Variants in EVI5 observed in about 807,000 individuals in gnomAD.
EVI5 encodes the protein ecotropic viral integration site 5.
EVI5 carries 73 observed loss-of-function variants against 112.0 expected under a neutral mutation model. That is an observed-to-expected ratio of 0.65 (90% confidence interval 0.54 to 0.79). The LOEUF (loss-of-function observed/expected upper bound fraction) is 0.79. EVI5 is among the 30% of genes least tolerant of loss of function. The pLI is 0.00. For missense variants in EVI5, 900 were observed against 968.8 expected (o/e 0.93, Z 0.94); for synonymous variants, 305 against 319.9 (o/e 0.95, Z 0.50).
chr1:92,658,133 T>C (rs1045001218), intron 13 of EVI5, among the ~76,000 whole-genome samples: 5 of 152,150 alleles, frequency 3.3e-5, no homozygotes, highest in African/African-American at 9.7e-5. Flanking sequence ...GCCAACATCA[T>C]AATGAATGGG....
At chr1:92,534,826 G>T (rs889368819) in intron 19 of EVI5, among the ~76,000 whole-genome samples, 2 of 152,152 alleles carry the variant, frequency 1.3e-5, no homozygotes, top group African/African-American at 4.8e-5. Context: ...AACCCTAGAA[G>T]AAAACCTAGG....
At chr1:92,547,346 G>C (rs1165766513) in intron 19 of EVI5, among the ~76,000 whole-genome samples, 1 of 152,214 alleles carries the variant, frequency 6.6e-6, no homozygotes, top group African/African-American at 2.4e-5. Context: ...CACATTTAAA[G>C]CAGTGTGTAG....
At chr1:92,595,894 G>T (rs1040737370) in intron 18 of EVI5, among the ~76,000 whole-genome samples, 2 of 152,158 alleles carry the variant, frequency 1.3e-5, no homozygotes, top group Non-Finnish European at 2.9e-5. Context: ...CTGTCAATAT[G>T]CTATTAAGAA....
At chr1:92,660,771 A>G (rs1366976915) in intron 13 of EVI5, among the ~76,000 whole-genome samples, 1 of 152,000 alleles carries the variant, frequency 6.6e-6, no homozygotes, top group African/African-American at 2.4e-5. Context: ...AAGAGGTAAA[A>G]CTATAGTGAA....
chr1:92,576,760 A>T (rs1671151142), intron 18 of EVI5, among the ~76,000 whole-genome samples: 1 of 152,198 alleles, frequency 6.6e-6, no homozygotes, highest in South Asian at 2.1e-4. Context: ...CAAATACAAG[A>T]GTGATATGTA....
At chr1:92,654,496 T>C (rs570197861) in intron 13 of EVI5, among the ~76,000 whole-genome samples, 5 of 152,242 alleles carry the variant, frequency 3.3e-5, no homozygotes, top group African/African-American at 7.2e-5. Flanking sequence ...AGAACATACA[T>C]TGTAGTTATA....
intron 9 of EVI5, among the ~76,000 whole-genome samples, chr1:92,687,495 C>T (rs1042760109): frequency 1.3e-5 from 2 of 152,102 alleles, no homozygotes; most frequent in African/African-American, 2.4e-5. Flanking sequence ...GACTTCATGA[C>T]TAAAACACCA....
At chr1:92,607,819 A>T (rs925546553) in intron 16 of EVI5, 92 bp from the exon 17 acceptor site, 12 of 783,620 alleles carry the variant, frequency 1.5e-5, no homozygotes, top group Non-Finnish European at 2.2e-5. Flanking sequence ...TAACATTATT[A>T]AAAATGTTAC....
At chr1:92,727,097 G>T (rs1279993971) in intron 2 of EVI5, among the ~76,000 whole-genome samples, 2 of 152,130 alleles carry the variant, frequency 1.3e-5, no homozygotes, top group African/African-American at 4.8e-5. Context: ...TTGTATGAAA[G>T]AAGTCGGTTA....
intron 1 of EVI5, chr1:92,749,080 A>AG (rs1385543984): frequency 2.2e-4 from 37 of 171,678 alleles, no homozygotes; most frequent in African/African-American, 8.2e-4. Flanking sequence ...AAAAAAAAAA[A>AG]AAAAAGAAAA....
At chr1:92,656,707 T>C (rs1663049583) in intron 13 of EVI5, among the ~76,000 whole-genome samples, 1 of 151,746 alleles carries the variant, frequency 6.6e-6, no homozygotes, top group South Asian at 2.1e-4. Context: ...AAGGAGACAT[T>C]ACAACTGATA....
intron 5 of EVI5, among the ~76,000 whole-genome samples, chr1:92,699,259 C>T (rs1350887045): frequency 1.1e-4 from 17 of 152,124 alleles, no homozygotes; most frequent in Admixed American, 9.8e-4. Flanking sequence ...TCAGTCACTA[C>T]GAGAAGCCCC....
At chr1:92,728,448 C>T (rs544338976) in intron 2 of EVI5, among the ~76,000 whole-genome samples, 1 of 151,218 alleles carries the variant, frequency 6.6e-6, no homozygotes, top group African/African-American at 2.4e-5. Flanking sequence ...AGTACAGAGG[C>T]GCGATCTCTG....
chr1:92,733,420 T>TC (rs397761672), intron 2 of EVI5, among the ~76,000 whole-genome samples: 1 of 151,548 alleles, frequency 6.6e-6, no homozygotes, highest in Non-Finnish European at 1.5e-5. Context: ...TTTTTTTTTT[T>TC]AAATGAGACG....
intron 16 of EVI5, among the ~76,000 whole-genome samples, chr1:92,611,006 G>C (rs1021701535): frequency 2.0e-5 from 3 of 151,786 alleles, no homozygotes; most frequent in African/African-American, 7.3e-5. Flanking sequence ...TAGATGACGA[G>C]TTAGTGGGTG....
At chr1:92,785,339 T>C (rs144242914), upstream of EVI5, among the ~76,000 whole-genome samples, 3,160 of 152,256 alleles carry the variant, frequency 0.021, 60 homozygotes, top group Admixed American at 0.056. Flanking sequence ...GCCCCTTCCA[T>C]GTTAAAACGG....
intron 8 of EVI5, 102 bp downstream of exon 8, chr1:92,694,197 A>T: frequency 1.5e-6 from 1 of 673,506 alleles, no homozygotes; most frequent in African/African-American, 1.8e-5. Context: ...CCTGGGAGGC[A>T]GAGGTTGCAG....
intron 1 of EVI5, among the ~76,000 whole-genome samples, chr1:92,748,270 C>CAGAGACCACA (rs1238937977): frequency 1.4e-4 from 22 of 152,292 alleles, no homozygotes; most frequent in Middle Eastern, 3.4e-3. Flanking sequence ...CTAGCCCACG[C>CAGAGACCACA]AGAGACCACA....
intron 18 of EVI5, among the ~76,000 whole-genome samples, chr1:92,595,604 A>G (rs998576252): frequency 6.6e-6 from 1 of 152,210 alleles, no homozygotes; most frequent in African/African-American, 2.4e-5. Flanking sequence ...AAAAAGCAAG[A>G]TCAAAGGAGG....
Sources: allele counts gnomAD v4.1 joint callset (sites outside exome capture counted in the v4.1 genomes callset), GRCh38; gene constraint gnomAD v4.1.1; transcripts MANE v1.5; gene names NCBI Gene and HGNC (gene_info 2026-07-23, HGNC 2026-07-21).